Variants in SLC9A2 observed in about 807,000 individuals in gnomAD.
SLC9A2 encodes solute carrier family 9 member A2, also known as sodium/hydrogen exchanger 2.
Under a neutral mutation model 71.7 loss-of-function variants are expected in SLC9A2, and 42 were observed. The observed-to-expected ratio is 0.59, with a 90% CI of 0.46 to 0.76. SLC9A2 has a LOEUF of 0.76. Among genes scored for constraint, SLC9A2 ranks in the 30% least tolerant of loss-of-function variants. The pLI is 0.00. For synonymous variants in SLC9A2, 396 were observed against 392.5 expected, an observed-to-expected ratio of 1.01 and a Z score of -0.10; for missense variants, 829 against 1,017.4, an observed-to-expected ratio of 0.81 and a Z score of 2.52.
rs532902652 is a variant in SLC9A2 at position 102,659,219 on chromosome 2, A to G, written c.753+1192A>G. Among the ~76,000 whole-genome samples the G allele has an allele frequency of 1.3e-4, 20 of 151,634 alleles. No individual in the cohort carries two copies. The South Asian group carries it at 3.6e-3, about 27-fold the overall frequency. On this transcript the variant is annotated intron_variant, in intron 2 of 11. Transcript: ENST00000233969. ...GAGGCAGGTGGATCACTTGAAGGTC[A>G]GGAGCTCGAGACAAGCCTGACCGAC...
In SLC9A2 at chr2:102,646,558, A is replaced by G. The variant is rs1676726698; in HGVS notation, c.290-11006A>G. On this transcript the variant is annotated intron_variant, in intron 1 of 11. Coordinates refer to ENST00000233969, the MANE Select transcript of SLC9A2 (RefSeq NM_003048.6). Reference sequence around the variant, plus strand: ...TCAGTGTGCTGTATTCAGGAGACCCATCTGATGTGCAAAGACACACACAGG... The same window carrying G: ...TCAGTGTGCTGTATTCAGGAGACCCGTCTGATGTGCAAAGACACACACAGG... 5.3e-5 allele frequency among the ~76,000 whole-genome samples: 8 copies of G among 152,112 alleles called. No homozygotes were observed. The South Asian group carries it at 1.7e-3, about 32-fold the overall frequency.
At chr2:102,639,860 T>TA (rs147127698) in intron 1 of SLC9A2, among the ~76,000 whole-genome samples, 4,889 of 152,296 alleles carry the variant, frequency 0.032, 267 homozygotes, top group African/African-American at 0.11. Context: ...ATATAGCTCT[T>TA]ACAACTTTAA....
Position 102,619,871 on chromosome 2 carries a change from G to A in SLC9A2, c.23G>A (p.Arg8Lys), listed in dbSNP as rs1676100425. 2 of 1,547,982 alleles carry A rather than the reference G, an allele frequency of 1.3e-6. No homozygotes were observed. The highest frequency in any genetic ancestry group is 1.7e-6 in the Non-Finnish European group (2 of 1,145,414). The change falls in exon 1 of 12, where the codon AGG (arginine) becomes AAG (lysine). Residue 8 changes from arginine to lysine, a missense_variant. By Grantham distance (26) the Arg-to-Lys change is conservative (BLOSUM62 2). Coordinates refer to ENST00000233969, the MANE Select transcript of SLC9A2 (RefSeq NM_003048.6). This position sits in a 1 kb window ranked among gnomAD's most constrained non-coding sequence, Gnocchi z 4.3. ...CCCATGGAACCACTGGGCAACTGGAGGAGCCTGCGGGCGCCACTGCCTCCG... is the reference window on the plus strand; with the variant it reads ...CCCATGGAACCACTGGGCAACTGGAAGAGCCTGCGGGCGCCACTGCCTCCG... MEPLGNW[R>K]SLRAPLPPML...
In SLC9A2 at chr2:102,701,505, T is replaced by C. The variant is rs1677874762; in HGVS notation, c.1748+274T>C. On this transcript the variant is annotated intron_variant, in intron 8 of 11. Transcript: ENST00000233969. ...GTAACCTATTTTATGTATGTTTATGTTTACAGACACCTTATTTAATATATA... is the reference window on the plus strand; with the variant it reads ...GTAACCTATTTTATGTATGTTTATGCTTACAGACACCTTATTTAATATATA... Among the ~76,000 whole-genome samples, 3 of 152,162 alleles carry C rather than the reference T, an allele frequency of 2.0e-5. No individual in the cohort carries two copies. The South Asian group carries it at 6.2e-4, about 32-fold the overall frequency.
intron 5 of SLC9A2, among the ~76,000 whole-genome samples, chr2:102,692,161 C>G (rs1465096357): frequency 2.0e-5 from 3 of 152,194 alleles, no homozygotes; most frequent in Non-Finnish European, 2.9e-5. Flanking sequence ...ACTGCTATTA[C>G]CTTTTGTGTT....
intron 2 of SLC9A2, among the ~76,000 whole-genome samples, chr2:102,660,479 G>A (rs927025444): frequency 5.9e-5 from 9 of 152,186 alleles, no homozygotes; most frequent in African/African-American, 1.7e-4. Flanking sequence ...ACTACTAGAC[G>A]TTTCTCTCGC....
chr2:102,652,742 A>G (rs1676857239), intron 1 of SLC9A2, among the ~76,000 whole-genome samples: 1 of 152,202 alleles, frequency 6.6e-6, no homozygotes. Flanking sequence ...TAGCTCGTGG[A>G]CAGCCTTGTA....
chr2:102,700,578 G>C (rs10192313), intron 7 of SLC9A2, among the ~76,000 whole-genome samples: 2,494 of 152,300 alleles, frequency 0.016, 64 homozygotes, highest in African/African-American at 0.055. Flanking sequence ...AGACCACTTT[G>C]ATAAGAGTAG....
chr2:102,665,410 C>T, intron 3 of SLC9A2, 60 bp downstream of exon 3: 1 of 1,476,642 alleles, frequency 6.8e-7, no homozygotes, highest in Admixed American at 1.9e-5. Flanking sequence ...CATGCATTCT[C>T]AGCCAAGATA....
chr2:102,665,138 A>AACCATTGAG lies in SLC9A2; in HGVS notation c.801_809dup (p.Glu267_Ile269dup). 3 of 1,614,038 alleles carry AACCATTGAG rather than the reference A, an allele frequency of 1.9e-6. No homozygotes were observed. Among genetic ancestry groups the AACCATTGAG allele is most frequent in the Non-Finnish European group, 2.5e-6 (3 of 1,180,012 alleles). On this transcript the variant is annotated inframe_insertion, in exon 3 of 12. Coordinates refer to ENST00000233969, the MANE Select transcript of SLC9A2 (RefSeq NM_003048.6). The stretch of plus-strand genomic sequence containing the variant: ...TGTTCAAGTCGTTTTGCCAGATGAA[A>AACCATTGAG]ACCATTGAGACCATTGATGTGTTTG...
chr2:102,677,305 A>G (rs1186302048), intron 3 of SLC9A2, among the ~76,000 whole-genome samples: 1 of 152,214 alleles, frequency 6.6e-6, no homozygotes, highest in African/African-American at 2.4e-5. Context: ...GGGGAAAAAA[A>G]AAACTCTTTT....
intron 5 of SLC9A2, among the ~76,000 whole-genome samples, chr2:102,688,854 C>T (rs1249971184): frequency 1.3e-5 from 2 of 152,166 alleles, no homozygotes; most frequent in Admixed American, 1.3e-4. Context: ...TGTAGTTAAT[C>T]CCTATAATAA....
chr2:102,676,062 G>C (rs1287357510), intron 3 of SLC9A2, among the ~76,000 whole-genome samples: 1 of 152,070 alleles, frequency 6.6e-6, no homozygotes, highest in African/African-American at 2.4e-5. Context: ...CATGCTAGTA[G>C]CTGTAAGAAC....
At chr2:102,632,506 G>A (rs568862633) in intron 1 of SLC9A2, among the ~76,000 whole-genome samples, 86 of 151,854 alleles carry the variant, frequency 5.7e-4, no homozygotes, top group Non-Finnish European at 8.8e-4. Flanking sequence ...TAATTGATGC[G>A]CTTCCTGCAA....
intron 2 of SLC9A2, among the ~76,000 whole-genome samples, chr2:102,664,289 GAAC>G (rs953470479): frequency 7.4e-5 from 11 of 147,706 alleles, no homozygotes; most frequent in Non-Finnish European, 1.5e-4. Flanking sequence ...AAAAAAAAAA[GAAC>G]AACAGAGCAG....
At chr2:102,666,976 G>A (rs1677152592) in intron 3 of SLC9A2, among the ~76,000 whole-genome samples, 2 of 152,178 alleles carry the variant, frequency 1.3e-5, no homozygotes, top group Non-Finnish European at 2.9e-5. Context: ...TTGGGGGCTA[G>A]TTTGACTTTT....
chr2:102,651,697 T>C (rs1366778280), intron 1 of SLC9A2, among the ~76,000 whole-genome samples: 1 of 152,242 alleles, frequency 6.6e-6, no homozygotes, highest in Non-Finnish European at 1.5e-5. Context: ...ACTTATTTTC[T>C]ATTTCCCACA....
chr2:102,662,897 T>C (rs2104523943), intron 2 of SLC9A2, among the ~76,000 whole-genome samples: 1 of 152,276 alleles, frequency 6.6e-6, no homozygotes. Flanking sequence ...ATGAGCCTCC[T>C]AGGTGCAGGC....
chr2:102,656,017 C>G (rs1676932915), intron 1 of SLC9A2, among the ~76,000 whole-genome samples: 1 of 152,228 alleles, frequency 6.6e-6, no homozygotes. Flanking sequence ...CCACCTCTTA[C>G]AGCTATCACG....
Sources: allele counts gnomAD v4.1 joint callset (sites outside exome capture counted in the v4.1 genomes callset), GRCh38; gene constraint gnomAD v4.1.1; non-coding constraint Gnocchi (gnomAD v3.1); transcripts MANE v1.5; gene names NCBI Gene and HGNC (gene_info 2026-07-23, HGNC 2026-07-21).